EXTL3: variants seen among roughly 807,000 people sequenced by gnomAD.
EXTL3 encodes the protein exostosin like glycosyltransferase 3.
Under a neutral mutation model 69.3 loss-of-function variants are expected in EXTL3, and 27 were observed. The observed-to-expected ratio is 0.39, with a 90% CI of 0.29 to 0.54. EXTL3 has a LOEUF of 0.54. Among genes scored for constraint, EXTL3 ranks in the 20% least tolerant of loss-of-function variants. The pLI is 0.69. For synonymous variants in EXTL3, 511 were observed against 499.4 expected (o/e 1.02, Z -0.31); for missense variants, 1,003 against 1,231.8 (o/e 0.81, Z 2.78).
chr8:28,609,021 T>C (rs1806239023), intron 2 of EXTL3, among the ~76,000 whole-genome samples: 1 of 152,112 alleles, frequency 6.6e-6, no homozygotes, highest in Non-Finnish European at 1.5e-5. Context: ...GATTGTGCCA[T>C]TAGGCTGAGT....
chr8:28,732,164 G>A (rs1010447434), intron 4 of EXTL3, among the ~76,000 whole-genome samples: 8 of 152,102 alleles, frequency 5.3e-5, no homozygotes, highest in African/African-American at 1.9e-4. Context: ...AGGAATTGCT[G>A]AAGGATCCCA....
upstream of EXTL3, among the ~76,000 whole-genome samples, chr8:28,619,266 T>TAAAAAAAAAAAAAA (rs755355444): frequency 1.9e-4 from 12 of 64,652 alleles, 2 homozygotes; most frequent in Non-Finnish European, 3.0e-4. Context: ...AGCTTAGTGA[T>TAAAAAAAAAAAAAA]AAAAAAAAAA....
intron 3 of EXTL3, among the ~76,000 whole-genome samples, chr8:28,729,184 A>G (rs975040753): frequency 6.7e-6 from 1 of 149,922 alleles, no homozygotes; most frequent in Non-Finnish European, 1.5e-5. Context: ...AGTTCCAGCT[A>G]CTTGGGAGGC....
chr8:28,637,041 G>A (rs959235921), intron 1 of EXTL3, among the ~76,000 whole-genome samples: 2 of 151,920 alleles, frequency 1.3e-5, no homozygotes, highest in African/African-American at 4.8e-5. Context: ...GAGCGGGGAA[G>A]GGAGGAAGGA....
rs1802024896 is a variant in EXTL3 at position 28,752,279 on chromosome 8, T to C, written c.*1413T>C. On this transcript the variant is annotated 3_prime_UTR_variant, in exon 7 of 7. Coordinates refer to ENST00000220562, the MANE Select transcript of EXTL3 (RefSeq NM_001440.4). ...GTGGCAGTAGGGGAACCTAGGAGGGTGTGAGTGGCATTTGTCAGGGATTTA... is the reference window on the plus strand; with the variant it reads ...GTGGCAGTAGGGGAACCTAGGAGGGCGTGAGTGGCATTTGTCAGGGATTTA... 1 of 152,456 alleles carries C rather than the reference T, an allele frequency of 6.6e-6. No homozygotes were observed. The highest frequency in any genetic ancestry group is 2.4e-5 in the African/African-American group (1 of 41,392). 9.4% of individuals were successfully genotyped at this position (152,456 alleles called of 1,614,324 possible).
intron 1 of EXTL3, among the ~76,000 whole-genome samples, chr8:28,641,587 C>T (rs1181691926): frequency 2.0e-5 from 3 of 152,038 alleles, no homozygotes; most frequent in Non-Finnish European, 4.4e-5. Context: ...AGCGATTCTC[C>T]GGCCTCAGCC....
chr8:28,609,178 G>C (rs750158844), intron 2 of EXTL3, among the ~76,000 whole-genome samples: 2 of 152,112 alleles, frequency 1.3e-5, no homozygotes, highest in Non-Finnish European at 2.9e-5. Flanking sequence ...AGTGAACAGA[G>C]AGTGGGTACA....
chr8:28,656,108 A>C (rs1287087924), intron 1 of EXTL3, among the ~76,000 whole-genome samples: 1 of 152,174 alleles, frequency 6.6e-6, no homozygotes, highest in African/African-American at 2.4e-5. Flanking sequence ...TCTCTGTGGC[A>C]TGCTAGACCC....
Position 28,755,352 on chromosome 8 carries a change from A to G in EXTL3, c.*4486A>G, listed in dbSNP as rs1802098473. 1 of 152,506 alleles carries G rather than the reference A, an allele frequency of 6.6e-6. No individual in the cohort carries two copies. Among genetic ancestry groups the G allele is most frequent in the Non-Finnish European group, 1.5e-5 (1 of 68,076 alleles). 9.4% of individuals were successfully genotyped at this position (152,506 alleles called of 1,614,324 possible). A position where few individuals can be genotyped will look rare whatever the true frequency, so the allele number is the denominator to read the frequency against. ...AGCCTCTCAAGAACACAGGAGTTCCATAGTTTTCTCATGAATGAATGCTTT... is the reference window on the plus strand; with the variant it reads ...AGCCTCTCAAGAACACAGGAGTTCCGTAGTTTTCTCATGAATGAATGCTTT... On this transcript the variant is annotated 3_prime_UTR_variant, in exon 7 of 7. Transcript: ENST00000220562.
intron 1 of EXTL3, chr8:28,637,163 T>C (rs901819898): frequency 2.6e-5 from 4 of 152,234 alleles, no homozygotes; most frequent in Non-Finnish European, 1.5e-5. Flanking sequence ...TCAGTCGTTT[T>C]ATTGTAATCA....
chr8:28,729,808 G>C (rs1008062342), intron 3 of EXTL3, among the ~76,000 whole-genome samples: 3 of 151,638 alleles, frequency 2.0e-5, no homozygotes, highest in Non-Finnish European at 2.9e-5. Flanking sequence ...GAGACGCCTG[G>C]GGGGAACATA....
At chr8:28,660,472 A>G (rs889579083) in intron 1 of EXTL3, among the ~76,000 whole-genome samples, 1 of 152,092 alleles carries the variant, frequency 6.6e-6, no homozygotes, top group Non-Finnish European at 1.5e-5. Flanking sequence ...TCCCAATTAT[A>G]TATATGTGTG....
At chr8:28,711,232 TGTCATTCTTGTAG>T (rs1486292838) in intron 1 of EXTL3, among the ~76,000 whole-genome samples, 1 of 152,200 alleles carries the variant, frequency 6.6e-6, no homozygotes, top group African/African-American at 2.4e-5. Flanking sequence ...CTTTTTTCTT[TGTCATTCTTGTAG>T]GTTTTTCAAA....
rs558362442 is a variant in EXTL3, at chr8:28,720,302, A to C, written c.2148+2095A>C. ...TAGCCAATTCAATACGCTAAGGTTA[A>C]TTTTTATAAATTTAGCACCAGGGTT... On this transcript the variant is annotated intron_variant, in intron 3 of 6. Transcript: ENST00000220562. Among the ~76,000 whole-genome samples, 4 of 152,274 alleles carry C rather than the reference A, an allele frequency of 2.6e-5. No individual in the cohort carries two copies. The East Asian group carries it at 7.7e-4, about 29-fold the overall frequency.
chr8:28,636,054 A>G (rs1806649169), intron 1 of EXTL3, among the ~76,000 whole-genome samples: 2 of 152,030 alleles, frequency 1.3e-5, no homozygotes, highest in Admixed American at 1.3e-4. Flanking sequence ...ATGTTGGTCC[A>G]GCACAGTGGC....
chr8:28,646,788 C>T (rs996172048), intron 1 of EXTL3, among the ~76,000 whole-genome samples: 2 of 152,194 alleles, frequency 1.3e-5, no homozygotes, highest in African/African-American at 4.8e-5. Flanking sequence ...GCCATTTCCT[C>T]ATTTGTAAAA....
At chr8:28,703,944 T>C (rs1800866118) in intron 1 of EXTL3, among the ~76,000 whole-genome samples, 1 of 151,990 alleles carries the variant, frequency 6.6e-6, no homozygotes, top group Admixed American at 6.6e-5. Context: ...CGTTTGGAGG[T>C]TTCATGGAAA....
rs1429494024 is a variant in EXTL3, at chr8:28,716,959, G to C, written c.900G>C (p.Gln300His). The change falls in exon 3 of 7, where the codon CAG becomes CAC. Residue 300 changes from glutamine to histidine, a missense_variant. This residue lies in a region of EXTL3 where 742 missense variants were observed against 815.4 expected (regional missense o/e 0.91). Transcript: ENST00000220562. This position sits in a 1 kb window ranked among gnomAD's most constrained non-coding sequence, Gnocchi z 7.1. ...GTACTGGCCGTGCCATGGTGGCCCA[G>C]TCCACCTTCTACACTGTCCAGTACA... The part of the protein sequence containing the change: ...NVSTGRAMVA[Q>H]STFYTVQYRP... The C allele has an allele frequency of 2.5e-6, 4 of 1,614,200 alleles. No individual in the cohort carries two copies. Among genetic ancestry groups the C allele is most frequent in the Non-Finnish European group, 3.4e-6 (4 of 1,180,034 alleles).
intron 1 of EXTL3, among the ~76,000 whole-genome samples, chr8:28,682,289 A>G (rs1195168546): frequency 6.6e-6 from 1 of 152,058 alleles, no homozygotes; most frequent in East Asian, 1.9e-4. Flanking sequence ...CTCATTTTTA[A>G]ATTGGGTTAT....
Sources: allele counts gnomAD v4.1 joint callset (sites outside exome capture counted in the v4.1 genomes callset), GRCh38; gene constraint gnomAD v4.1.1; regional missense constraint gnomAD v4.1.1; non-coding constraint Gnocchi (gnomAD v3.1); transcripts MANE v1.5; gene names NCBI Gene and HGNC (gene_info 2026-07-23, HGNC 2026-07-21).